SLC35F2: variants seen among roughly 807,000 people sequenced by gnomAD.
The protein encoded by SLC35F2 is solute carrier family 35 member F2, also known as queuine/queuosine transporter SLC35F2.
SLC35F2 carries 25 observed loss-of-function variants against 38.1 expected under a neutral mutation model. The ratio of observed to expected loss-of-function variants is 0.66; its 90% CI spans 0.48 to 0.92. The LOEUF (loss-of-function observed/expected upper bound fraction) is 0.92, where lower values mean the gene tolerates loss of function less well. Among genes scored for constraint, SLC35F2 ranks in the 40% least tolerant of loss-of-function variants. The pLI is 0.00. For missense variants in SLC35F2, 409 were observed against 452.9 expected, an observed-to-expected ratio of 0.90 and a Z score of 0.88; for synonymous variants, 173 against 181.7, an observed-to-expected ratio of 0.95 and a Z score of 0.38.
At chr11:107,852,156 G>C (rs146549934) in intron 1 of SLC35F2, among the ~76,000 whole-genome samples, 1 of 152,196 alleles carries the variant, frequency 6.6e-6, no homozygotes, top group African/African-American at 2.4e-5. Flanking sequence ...GGTGGCTCAG[G>C]CCTGTAATCC....
At chr11:107,798,933 G>A (rs138897618) in intron 7 of SLC35F2, among the ~76,000 whole-genome samples, 5,092 of 152,118 alleles carry the variant, frequency 0.033, 113 homozygotes, top group African/African-American at 0.064. Context: ...CAAATTAGCC[G>A]GGTTTGGTGG....
At chr11:107,811,881 G>A (rs1220986645) in intron 2 of SLC35F2, 87 bp from the exon 3 acceptor site, 1 of 1,253,326 alleles carries the variant, frequency 8.0e-7, no homozygotes, top group African/African-American at 1.5e-5. Flanking sequence ...AGAAGCAAGA[G>A]TTTCTTGTTT....
At chr11:107,796,344 C>T (rs917951226) in intron 7 of SLC35F2, among the ~76,000 whole-genome samples, 5 of 152,158 alleles carry the variant, frequency 3.3e-5, no homozygotes, top group Non-Finnish European at 2.9e-5. Flanking sequence ...TATTGCAGCA[C>T]TATTCACAAT....
At chr11:107,843,868 AATATATATATATATATATATAT>A (rs1178673709) in intron 1 of SLC35F2, among the ~76,000 whole-genome samples, 4 of 46,864 alleles carry the variant, frequency 8.5e-5, no homozygotes, top group South Asian at 8.0e-4. Flanking sequence ...AAAAAAAAAA[AATATATATATATATATATATAT>A]ATATATATAT....
At chr11:107,833,218 C>T (rs1859876841) in intron 1 of SLC35F2, among the ~76,000 whole-genome samples, 1 of 151,988 alleles carries the variant, frequency 6.6e-6, no homozygotes, top group African/African-American at 2.4e-5. Flanking sequence ...GATGAAGAAA[C>T]TGAAGCTAAG....
At chr11:107,801,623 G>A (rs1410827709) in intron 7 of SLC35F2, among the ~76,000 whole-genome samples, 1 of 104,980 alleles carries the variant, frequency 9.5e-6, no homozygotes, top group Admixed American at 9.1e-5. Flanking sequence ...AGCAAGCCCT[G>A]GATCTAAGAA....
chr11:107,846,525 T>A (rs1490432181), intron 1 of SLC35F2, among the ~76,000 whole-genome samples: 4 of 152,220 alleles, frequency 2.6e-5, no homozygotes, highest in Non-Finnish European at 5.9e-5. Context: ...CCTAAGACAG[T>A]TGTTCAGTAC....
chr11:107,836,683 C>T (rs1463044984), intron 1 of SLC35F2, among the ~76,000 whole-genome samples: 2 of 152,172 alleles, frequency 1.3e-5, no homozygotes, highest in South Asian at 2.1e-4. Flanking sequence ...CCCCTAAAAC[C>T]TCCAGAAAAG....
At chr11:107,844,438 G>T (rs1257131204) in intron 1 of SLC35F2, among the ~76,000 whole-genome samples, 1 of 151,502 alleles carries the variant, frequency 6.6e-6, no homozygotes, top group East Asian at 1.9e-4. Flanking sequence ...GATCAGCCTG[G>T]CCAACATGGT....
At chr11:107,826,928 T>G (rs920942888) in intron 1 of SLC35F2, among the ~76,000 whole-genome samples, 7 of 152,176 alleles carry the variant, frequency 4.6e-5, no homozygotes, top group African/African-American at 1.7e-4. Flanking sequence ...ATACAGAAAA[T>G]AAGAAAATTA....
At chr11:107,818,202 C>A (rs979486799) in intron 1 of SLC35F2, among the ~76,000 whole-genome samples, 2 of 151,980 alleles carry the variant, frequency 1.3e-5, no homozygotes, top group Middle Eastern at 3.4e-3. Flanking sequence ...GAGGCTGAGG[C>A]GGGTGAATTA....
At chr11:107,844,248 C>CA (rs1322133242) in intron 1 of SLC35F2, among the ~76,000 whole-genome samples, 1 of 152,094 alleles carries the variant, frequency 6.6e-6, no homozygotes, top group Non-Finnish European at 1.5e-5. Flanking sequence ...CACTGTTAGG[C>CA]AAAATTACCT....
At chr11:107,800,903 C>CTTTTTTTTTTT (rs71303238) in intron 7 of SLC35F2, among the ~76,000 whole-genome samples, 1 of 126,178 alleles carries the variant, frequency 7.9e-6, no homozygotes, top group African/African-American at 3.2e-5. Flanking sequence ...GCTATTACTA[C>CTTTTTTTTTTT]TTTTTTTTTT....
chr11:107,796,982 T>C (rs1218601978), intron 7 of SLC35F2, among the ~76,000 whole-genome samples: 1 of 152,104 alleles, frequency 6.6e-6, no homozygotes, highest in East Asian at 1.9e-4. Context: ...CTAAGGGACG[T>C]TGTTTAATGG....
At chr11:107,824,139 A>C (rs966757718) in intron 1 of SLC35F2, among the ~76,000 whole-genome samples, 4 of 152,106 alleles carry the variant, frequency 2.6e-5, no homozygotes, top group Admixed American at 1.3e-4. Flanking sequence ...TCAAAACTCA[A>C]AGTAGCTAAA....
intron 2 of SLC35F2, among the ~76,000 whole-genome samples, chr11:107,814,924 A>G (rs1275427574): frequency 6.6e-6 from 1 of 152,170 alleles, no homozygotes; most frequent in Non-Finnish European, 1.5e-5. Context: ...CTAAAAATAC[A>G]AAAATTAGCC....
At chr11:107,841,740 G>A (rs1860015103) in intron 1 of SLC35F2, among the ~76,000 whole-genome samples, 1 of 152,098 alleles carries the variant, frequency 6.6e-6, no homozygotes, top group African/African-American at 2.4e-5. Context: ...GGAAGGATGA[G>A]GCAGGTGGAT....
chr11:107,810,186 C>A (rs948058360), intron 3 of SLC35F2: 4 of 985,258 alleles, frequency 4.1e-6, no homozygotes, highest in African/African-American at 3.5e-5. Flanking sequence ...TTGTTAGATG[C>A]CTTTTTTATA....
In SLC35F2 at chr11:107,806,774, A is replaced by G. The variant is rs1032054320; in HGVS notation, c.517T>C (p.Leu173=). 15 of 1,613,914 alleles carry G rather than the reference A, an allele frequency of 9.3e-6. No individual in the cohort carries two copies. The highest frequency in any genetic ancestry group is 1.6e-4 in the Middle Eastern group (1 of 6,084). The change falls in exon 4 of 8, where the codon TTG becomes CTG. Residue 173 remains leucine, a synonymous_variant. Coordinates refer to ENST00000525815, the MANE Select transcript of SLC35F2 (RefSeq NM_017515.5). ...GCACCAACCATGGTTCCTACACCCA[A>G]CAGACAGACAGCCACGGCGATGAAG... ...IHFIAVAVCL[L]GVGTMVGADI... is the part of the protein sequence containing the mutation.
Sources: allele counts gnomAD v4.1 joint callset (sites outside exome capture counted in the v4.1 genomes callset), GRCh38; gene constraint gnomAD v4.1.1; transcripts MANE v1.5; gene names NCBI Gene and HGNC (gene_info 2026-07-23, HGNC 2026-07-21).